MCC: variants seen among roughly 807,000 people sequenced by gnomAD.
MCC encodes colorectal mutant cancer protein.
MCC carries 90 observed loss-of-function variants against 116.2 expected under a neutral mutation model. That is an observed-to-expected ratio of 0.77 (90% CI 0.65 to 0.92). The LOEUF is 0.92. Among genes scored for constraint, MCC ranks in the 40% least tolerant of loss-of-function variants. The probability of loss-of-function intolerance (pLI) is 0.00; values close to 1 mark genes in which losing one functional copy is unlikely to be tolerated. For synonymous variants in MCC, 578 were observed against 510.5 expected (o/e 1.13, Z -1.78); for missense variants, 1,516 against 1,312.2 (o/e 1.16, Z -2.40).
At chr5:113,210,066 T>C (rs1419744264) in intron 3 of MCC, among the ~76,000 whole-genome samples, 2 of 152,178 alleles carry the variant, frequency 1.3e-5, no homozygotes, top group African/African-American at 2.4e-5. Flanking sequence ...GCAGCCATAA[T>C]GTGATATACC....
At chr5:113,472,808 G>A (rs1772129341) in intron 1 of MCC, among the ~76,000 whole-genome samples, 1 of 152,178 alleles carries the variant, frequency 6.6e-6, no homozygotes, top group Non-Finnish European at 1.5e-5. Context: ...TAAGCATATG[G>A]TTAGAGACAG....
intron 3 of MCC, among the ~76,000 whole-genome samples, chr5:113,255,644 A>G (rs1028355772): frequency 6.6e-6 from 1 of 152,210 alleles, no homozygotes; most frequent in Non-Finnish European, 1.5e-5. Flanking sequence ...ATAGCCTGTC[A>G]AAGACCAAAT....
At chr5:113,079,604 T>C (rs1279477842) in intron 11 of MCC, among the ~76,000 whole-genome samples, 3 of 152,194 alleles carry the variant, frequency 2.0e-5, no homozygotes, top group Non-Finnish European at 4.4e-5. Context: ...TGGCTAGCCA[T>C]ATGTAGAAAG....
intron 2 of MCC, among the ~76,000 whole-genome samples, chr5:113,367,154 T>A (rs971296609): frequency 1.1e-4 from 17 of 152,136 alleles, no homozygotes; most frequent in Non-Finnish European, 2.5e-4. Context: ...TGATATTTAA[T>A]CATGTTAATT....
chr5:113,117,076 G>C (rs1757437995), intron 6 of MCC, among the ~76,000 whole-genome samples: 1 of 152,192 alleles, frequency 6.6e-6, no homozygotes, highest in African/African-American at 2.4e-5. Context: ...CTCATTCCTA[G>C]CAAAAAGTGA....
chr5:113,254,720 T>A (rs1764941972), intron 3 of MCC, among the ~76,000 whole-genome samples: 1 of 152,186 alleles, frequency 6.6e-6, no homozygotes, highest in African/African-American at 2.4e-5. Flanking sequence ...ATTTATATTT[T>A]TGATACCACT....
At chr5:113,105,496 T>A (rs1467325447) in intron 6 of MCC, among the ~76,000 whole-genome samples, 1 of 152,136 alleles carries the variant, frequency 6.6e-6, no homozygotes, top group Non-Finnish European at 1.5e-5. Flanking sequence ...ACACAACTAG[T>A]CTACCTACTT....
At chr5:113,099,325 T>G (rs935591349) in intron 8 of MCC, among the ~76,000 whole-genome samples, 8 of 152,180 alleles carry the variant, frequency 5.3e-5, no homozygotes, top group African/African-American at 1.9e-4. Flanking sequence ...GACTAAAATG[T>G]GTCTATGTGT....
intron 1 of MCC, among the ~76,000 whole-genome samples, chr5:113,396,047 G>C (rs1013232783): frequency 6.6e-6 from 1 of 152,184 alleles, no homozygotes; most frequent in Non-Finnish European, 1.5e-5. Flanking sequence ...AACAAACAAG[G>C]CTGGGTGCAG....
chr5:113,486,519 G>T (rs934355680), intron 1 of MCC, among the ~76,000 whole-genome samples: 4 of 152,224 alleles, frequency 2.6e-5, no homozygotes, highest in Non-Finnish European at 5.9e-5. Context: ...CTAGTTTTCT[G>T]TATGCACTCT....
Position 113,023,986 on chromosome 5 carries a change from T to C in MCC, c.*3316A>G, listed in dbSNP as rs1392145761. ...TTCTCATTTAAAATAATCTAATCTG[T>C]ATCCAGTTAGGAACCAGAAGACTTT... On this transcript the variant is annotated 3_prime_UTR_variant, in exon 19 of 19. Transcript: ENST00000408903. 2.0e-5 allele frequency: 3 copies of C among 152,152 alleles called. No individual in the cohort carries two copies. Among genetic ancestry groups the C allele is most frequent in the East Asian group, 1.9e-4 (1 of 5,188 alleles). 9.4% of individuals were successfully genotyped at this position (152,152 alleles called of 1,614,324 possible). A position where few individuals can be genotyped will look rare whatever the true frequency, so the allele number is the denominator to read the frequency against.
intron 2 of MCC, among the ~76,000 whole-genome samples, chr5:113,372,666 A>C (rs983230784): frequency 7.9e-5 from 12 of 152,190 alleles, no homozygotes; most frequent in African/African-American, 2.9e-4. Flanking sequence ...TATGAATGTG[A>C]TCACTATATT....
At chr5:113,332,966 G>A (rs1406387428) in intron 3 of MCC, among the ~76,000 whole-genome samples, 1 of 151,522 alleles carries the variant, frequency 6.6e-6, no homozygotes, top group South Asian at 2.1e-4. Context: ...CAAATCCCTT[G>A]ACCCTGAAAC....
rs531879330 is a variant in MCC at position 113,146,316 on chromosome 5, C to T, written c.742-2956G>A. Among the ~76,000 whole-genome samples, 24 of 528 alleles carry T rather than the reference C, an allele frequency of 0.045. No homozygotes were observed. The South Asian group carries it at 0.5, about 11-fold the overall frequency. 0.3% of individuals were successfully genotyped at this position (528 alleles called of 152,430 possible). On this transcript the variant is annotated intron_variant, in intron 4 of 18. Transcript: ENST00000408903. ...TGGAGAACAAATACCCCTCTGATTCCTGTTTTTGCCATCAAGGCACTGAAG... is the reference window on the plus strand; with the variant it reads ...TGGAGAACAAATACCCCTCTGATTCTTGTTTTTGCCATCAAGGCACTGAAG...
At chr5:113,216,432 A>G (rs1763318685) in intron 3 of MCC, among the ~76,000 whole-genome samples, 1 of 152,166 alleles carries the variant, frequency 6.6e-6, no homozygotes, top group Admixed American at 6.5e-5. Flanking sequence ...ATGGCCCCTG[A>G]ACATCCCTCC....
At chr5:113,334,887 A>G (rs1363203350) in intron 3 of MCC, among the ~76,000 whole-genome samples, 2 of 151,628 alleles carry the variant, frequency 1.3e-5, no homozygotes, top group Non-Finnish European at 2.9e-5. Context: ...CACCGTGCCC[A>G]GCCAATGTTC....
chr5:113,191,271 T>C (rs947755671), intron 3 of MCC, among the ~76,000 whole-genome samples: 4 of 152,174 alleles, frequency 2.6e-5, no homozygotes, highest in African/African-American at 9.7e-5. Flanking sequence ...TGACCCTTCT[T>C]CTTCTTCTTG....
chr5:113,168,411 C>A (rs946379221), intron 3 of MCC, among the ~76,000 whole-genome samples: 8 of 152,190 alleles, frequency 5.3e-5, no homozygotes, highest in African/African-American at 1.9e-4. Flanking sequence ...AATATACTTG[C>A]ACTTCTTTCC....
In MCC at chr5:113,279,538, T is replaced by C. The variant is rs114711351; in HGVS notation, c.627+60981A>G. Among the ~76,000 whole-genome samples the C allele has an allele frequency of 3.1e-3, 471 of 152,314 alleles. 4 individuals are homozygous for C. Among genetic ancestry groups the C allele is most frequent in the African/African-American group, 0.011 (452 of 41,580 alleles). On this transcript the variant is annotated intron_variant, in intron 3 of 18. Transcript: ENST00000408903. ...CATATTTGTCTCTTGCAAATGAATA[T>C]CGGAGCTTAACTGCATGGACTTCGT...
Sources: allele counts gnomAD v4.1 joint callset (sites outside exome capture counted in the v4.1 genomes callset), GRCh38; gene constraint gnomAD v4.1.1; transcripts MANE v1.5; gene names NCBI Gene and HGNC (gene_info 2026-07-23, HGNC 2026-07-21).